LRMDA: variants seen among roughly 807,000 people sequenced by gnomAD.
The protein encoded by LRMDA is leucine-rich melanocyte differentiation-associated protein.
LRMDA carries 18 observed loss-of-function variants against 29.8 expected under a neutral mutation model. The observed-to-expected ratio is 0.60, with a 90% CI of 0.42 to 0.90. The LOEUF is 0.90. LRMDA is among the 40% of genes least tolerant of loss of function. The pLI is 0.00. For missense variants in LRMDA, 273 were observed against 273.9 expected (o/e 1.00, Z 0.02); for synonymous variants, 125 against 109.4 (o/e 1.14, Z -0.89).
At chr10:75,850,922 CATATTG>C (rs1322880418) in intron 2 of LRMDA, among the ~76,000 whole-genome samples, 1 of 152,116 alleles carries the variant, frequency 6.6e-6, no homozygotes, top group African/African-American at 2.4e-5. Context: ...AATGAGAGAA[CATATTG>C]TCTCATGAGA....
At chr10:76,071,086 C>CA (rs1056259451) in intron 5 of LRMDA, among the ~76,000 whole-genome samples, 6 of 152,142 alleles carry the variant, frequency 3.9e-5, no homozygotes, top group Admixed American at 3.9e-4. Context: ...AGTGACCTCG[C>CA]ACTCAACTCT....
At chr10:75,601,688 A>C (rs1840888876) in intron 2 of LRMDA, among the ~76,000 whole-genome samples, 1 of 152,204 alleles carries the variant, frequency 6.6e-6, no homozygotes, top group African/African-American at 2.4e-5. Context: ...AATAATAACA[A>C]TAGCTTATCT....
At chr10:76,303,234 A>T (rs1334625717) in intron 5 of LRMDA, among the ~76,000 whole-genome samples, 1 of 125,698 alleles carries the variant, frequency 8.0e-6, no homozygotes, top group African/African-American at 3.1e-5. Context: ...TTTTTTGGAG[A>T]TGTAATTAAA....
rs544665670 is a variant in LRMDA at position 76,185,092 on chromosome 10, TA to T, written c.516+126317del. 3.5e-4 allele frequency among the ~76,000 whole-genome samples: 53 copies of T among 152,068 alleles called. 1 individual carries two copies. Among genetic ancestry groups the T allele is most frequent in the African/African-American group, 1.2e-3 (49 of 41,492 alleles). ...TATTGGCTTTGTATATCTCATGTAT[TA>T]AAAAAAATACTCTTTCTGATTTTAA... On this transcript the variant is annotated intron_variant, in intron 5 of 6. Transcript: ENST00000611255.
chr10:76,274,321 C>A (rs867857277), intron 5 of LRMDA, among the ~76,000 whole-genome samples: 1 of 152,134 alleles, frequency 6.6e-6, no homozygotes, highest in Non-Finnish European at 1.5e-5. Context: ...GGTGTTTTTA[C>A]CATCAAATTA....
At chr10:75,820,545 A>G (rs897529559) in intron 2 of LRMDA, among the ~76,000 whole-genome samples, 10 of 152,240 alleles carry the variant, frequency 6.6e-5, no homozygotes, top group African/African-American at 1.4e-4. Context: ...AAATGCCTGC[A>G]TAAAAACATA....
intron 2 of LRMDA, among the ~76,000 whole-genome samples, chr10:75,593,251 T>C (rs1343540710): frequency 6.6e-6 from 1 of 152,214 alleles, no homozygotes. Context: ...AAACCTGTTT[T>C]TTCTTGAGTG....
At chr10:75,977,270 A>T (rs1347884938) in intron 2 of LRMDA, among the ~76,000 whole-genome samples, 1 of 152,126 alleles carries the variant, frequency 6.6e-6, no homozygotes, top group Non-Finnish European at 1.5e-5. Flanking sequence ...AAGAGGTTTA[A>T]TTTGCATGTG....
intron 6 of LRMDA, among the ~76,000 whole-genome samples, chr10:76,477,405 G>T (rs542666154): frequency 2.6e-5 from 4 of 151,808 alleles, no homozygotes; most frequent in African/African-American, 4.8e-5. Flanking sequence ...TAAAAGAGGA[G>T]ACAAACAAAT....
At chr10:75,972,952 T>C (rs1441636757) in intron 2 of LRMDA, among the ~76,000 whole-genome samples, 1 of 152,176 alleles carries the variant, frequency 6.6e-6, no homozygotes. Flanking sequence ...TCCTCTACCC[T>C]GTGTGCTACA....
At chr10:75,965,286 C>T (rs1257789108) in intron 2 of LRMDA, among the ~76,000 whole-genome samples, 1 of 152,112 alleles carries the variant, frequency 6.6e-6, no homozygotes, top group African/African-American at 2.4e-5. Context: ...TATACTGTTA[C>T]AATAATTATT....
intron 5 of LRMDA, among the ~76,000 whole-genome samples, chr10:76,127,711 G>A (rs1037540142): frequency 1.3e-5 from 2 of 151,910 alleles, no homozygotes; most frequent in Admixed American, 1.3e-4. Flanking sequence ...AATTCTAGAA[G>A]AAGTCTGCAC....
At chr10:76,223,657 T>A (rs1222997662) in intron 5 of LRMDA, among the ~76,000 whole-genome samples, 2 of 145,224 alleles carry the variant, frequency 1.4e-5, no homozygotes, top group African/African-American at 2.5e-5. Flanking sequence ...GAGGATGCAA[T>A]GAGAAGTAGG....
chr10:75,743,171 C>T (rs1842850708), intron 2 of LRMDA, among the ~76,000 whole-genome samples: 1 of 151,846 alleles, frequency 6.6e-6, no homozygotes, highest in South Asian at 2.1e-4. Flanking sequence ...GTTGGGTGAA[C>T]CTTGAAATAA....
intron 5 of LRMDA, among the ~76,000 whole-genome samples, chr10:76,202,378 C>T (rs981741955): frequency 2.0e-5 from 3 of 152,144 alleles, no homozygotes; most frequent in Non-Finnish European, 2.9e-5. Context: ...CTGACTTCCT[C>T]CATGGGACAG....
intron 6 of LRMDA, among the ~76,000 whole-genome samples, chr10:76,440,287 A>G (rs1252796785): frequency 6.6e-6 from 1 of 152,220 alleles, no homozygotes. Flanking sequence ...GATGAGTCCT[A>G]TCATTTGTGG....
At chr10:75,439,395 C>G (rs1844301064) in intron 2 of LRMDA, among the ~76,000 whole-genome samples, 1 of 152,164 alleles carries the variant, frequency 6.6e-6, no homozygotes, top group South Asian at 2.1e-4. Context: ...ATTCCAGGGC[C>G]CAAGCACTTT....
At chr10:75,872,949 G>A (rs887352035) in intron 2 of LRMDA, among the ~76,000 whole-genome samples, 8 of 152,096 alleles carry the variant, frequency 5.3e-5, no homozygotes, top group Non-Finnish European at 1.0e-4. Flanking sequence ...ATTGAATCCA[G>A]TACCTTGCTC....
chr10:76,474,196 A>G (rs951406212), intron 6 of LRMDA, among the ~76,000 whole-genome samples: 6 of 151,628 alleles, frequency 4.0e-5, no homozygotes, highest in African/African-American at 1.2e-4. Flanking sequence ...TGCCATATAC[A>G]CCTCACACCA....
Sources: gnomAD v4.1 joint callset for allele counts (sites outside exome capture counted in the v4.1 genomes callset) on GRCh38, gnomAD v4.1.1 for gene constraint, MANE v1.5 for transcripts, NCBI Gene and HGNC (gene_info 2026-07-23, HGNC 2026-07-21) for gene names.